The following PLCL1 variants were observed in gnomAD, a reference collection of about 807,000 sequenced individuals.
The protein encoded by PLCL1 is phospholipase C like 1 (inactive).
In PLCL1, 41 loss-of-function variants were observed where a neutral mutation model predicts 84.4. That is an observed-to-expected ratio of 0.49 (90% CI 0.38 to 0.63). PLCL1 has a LOEUF of 0.63. Among genes scored for constraint, PLCL1 ranks in the 30% least tolerant of loss-of-function variants. The probability of loss-of-function intolerance (pLI) is 0.00; values close to 1 mark genes in which losing one functional copy is unlikely to be tolerated. For missense variants in PLCL1, 1,206 were observed against 1,367.8 expected (o/e 0.88, Z 1.87); for synonymous variants, 490 against 488.3 (o/e 1.00, Z -0.05).
At chr2:198,132,236 T>C (rs1694137266) in intron 5 of PLCL1, among the ~76,000 whole-genome samples, 1 of 152,180 alleles carries the variant, frequency 6.6e-6, no homozygotes, top group Admixed American at 6.5e-5. Flanking sequence ...CAGCTACTGA[T>C]TGGCCACACT....
chr2:198,068,686 A>C (rs1288908263), intron 1 of PLCL1, among the ~76,000 whole-genome samples: 1 of 152,224 alleles, frequency 6.6e-6, no homozygotes, highest in East Asian at 1.9e-4. Flanking sequence ...AGAGATCAGT[A>C]TGTGCTAGCT....
At chr2:197,845,744 A>G (rs1294192405) in intron 1 of PLCL1, among the ~76,000 whole-genome samples, 1 of 152,016 alleles carries the variant, frequency 6.6e-6, no homozygotes, top group Non-Finnish European at 1.5e-5. Context: ...GTTAAGCTTC[A>G]CTCTCTATAG....
rs529682525 is a variant in PLCL1, at chr2:198,010,062, A to G, written c.241-73696A>G. Among the ~76,000 whole-genome samples the G allele has an allele frequency of 4.6e-5, 7 of 152,110 alleles. No individual in the cohort carries two copies. The South Asian group carries it at 1.0e-3, about 22-fold the overall frequency. On this transcript the variant is annotated intron_variant, in intron 1 of 5. Coordinates refer to ENST00000428675, the MANE Select transcript of PLCL1 (RefSeq NM_006226.4). ...GCAAACTTTTCTAAATTCATTTATTAGTTCTAACATTTTTGTGTGTGTGAC... is the reference window on the plus strand; with the variant it reads ...GCAAACTTTTCTAAATTCATTTATTGGTTCTAACATTTTTGTGTGTGTGAC...
At chr2:197,968,507 A>G (rs967409747) in intron 1 of PLCL1, among the ~76,000 whole-genome samples, 2 of 152,216 alleles carry the variant, frequency 1.3e-5, no homozygotes, top group Admixed American at 1.3e-4. Context: ...CTCTTTAGAG[A>G]TATTATTCTA....
intron 1 of PLCL1, among the ~76,000 whole-genome samples, chr2:197,927,019 C>T (rs537680453): frequency 5.9e-5 from 9 of 152,284 alleles, no homozygotes; most frequent in Admixed American, 2.0e-4. Context: ...TATGGTTTGT[C>T]ATCACATGTG....
At chr2:197,855,302 G>A (rs1456158078) in intron 1 of PLCL1, among the ~76,000 whole-genome samples, 1 of 152,132 alleles carries the variant, frequency 6.6e-6, no homozygotes, top group Non-Finnish European at 1.5e-5. Flanking sequence ...CTGGCACACT[G>A]CTATTTTTTT....
intron 1 of PLCL1, among the ~76,000 whole-genome samples, chr2:197,904,496 G>A (rs1688337763): frequency 6.6e-6 from 1 of 152,144 alleles, no homozygotes; most frequent in Non-Finnish European, 1.5e-5. Context: ...TCCTTTATTG[G>A]TTTTTTCTTG....
chr2:198,104,661 T>C (rs1458035799), intron 5 of PLCL1, among the ~76,000 whole-genome samples: 1 of 152,082 alleles, frequency 6.6e-6, no homozygotes, highest in African/African-American at 2.4e-5. Flanking sequence ...CCACCAGCAT[T>C]GTATAAACAT....
At chr2:197,946,669 A>G (rs1326078942) in intron 1 of PLCL1, among the ~76,000 whole-genome samples, 1 of 152,118 alleles carries the variant, frequency 6.6e-6, no homozygotes, top group Non-Finnish European at 1.5e-5. Context: ...CCTCCTCTCT[A>G]CTTTCAAGAT....
In PLCL1 at chr2:198,094,268, A is replaced by G. The variant is rs572013311; in HGVS notation, c.2919+5207A>G. Among the ~76,000 whole-genome samples, 31 of 152,170 alleles carry G rather than the reference A, an allele frequency of 2.0e-4. No individual in the cohort carries two copies. The South Asian group carries it at 2.7e-3, about 13-fold the overall frequency. The stretch of plus-strand genomic sequence containing the variant: ...AGTAGAGACAGGGTTTCACCATGTT[A>G]GCCAGGATGGTCTTGATCTCCTGAC... On this transcript the variant is annotated intron_variant, in intron 3 of 5. Coordinates refer to ENST00000428675, the MANE Select transcript of PLCL1 (RefSeq NM_006226.4).
chr2:198,093,604 G>A (rs1257795918), intron 3 of PLCL1, among the ~76,000 whole-genome samples: 1 of 152,140 alleles, frequency 6.6e-6, no homozygotes, highest in Non-Finnish European at 1.5e-5. Flanking sequence ...AACAGCTTGG[G>A]TTCAATTTAG....
intron 1 of PLCL1, among the ~76,000 whole-genome samples, chr2:197,983,158 C>CCTTT (rs770130659): frequency 7.0e-6 from 1 of 142,120 alleles, no homozygotes; most frequent in Admixed American, 7.0e-5. Context: ...CTTTTCTTTT[C>CCTTT]CTTTCTTTCT....
At chr2:197,952,879 G>A (rs1279673533) in intron 1 of PLCL1, among the ~76,000 whole-genome samples, 1 of 152,004 alleles carries the variant, frequency 6.6e-6, no homozygotes, top group Non-Finnish European at 1.5e-5. Context: ...CGCCATGATT[G>A]TGAGGCCTCC....
At chr2:198,076,193 T>C (rs1412227342) in intron 1 of PLCL1, among the ~76,000 whole-genome samples, 1 of 151,826 alleles carries the variant, frequency 6.6e-6, no homozygotes, top group East Asian at 1.9e-4. Context: ...CAGCACTCTA[T>C]CACTAGCTTT....
intron 1 of PLCL1, among the ~76,000 whole-genome samples, chr2:197,842,533 T>C (rs888908314): frequency 6.6e-6 from 1 of 152,306 alleles, no homozygotes; most frequent in Admixed American, 6.5e-5. Flanking sequence ...GAACTAATGT[T>C]CCAGCTTCAA....
At chr2:197,934,052 T>A (rs183607032) in intron 1 of PLCL1, among the ~76,000 whole-genome samples, 1 of 152,312 alleles carries the variant, frequency 6.6e-6, no homozygotes, top group East Asian at 1.9e-4. Flanking sequence ...CTCTAATGCA[T>A]CTCATCCAAT....
chr2:197,979,736 T>A (rs1010940295), intron 1 of PLCL1, among the ~76,000 whole-genome samples: 4 of 152,226 alleles, frequency 2.6e-5, no homozygotes, highest in Admixed American at 1.3e-4. Context: ...AGATTTTCAC[T>A]ACTCCCAGAA....
chr2:198,132,825 T>C (rs958438107), intron 5 of PLCL1, among the ~76,000 whole-genome samples: 4 of 152,020 alleles, frequency 2.6e-5, no homozygotes, highest in Non-Finnish European at 5.9e-5. Flanking sequence ...AGAAGCTCTT[T>C]AGTTTAATTA....
At chr2:198,004,147 T>C (rs1217697273) in intron 1 of PLCL1, among the ~76,000 whole-genome samples, 1 of 152,166 alleles carries the variant, frequency 6.6e-6, no homozygotes, top group Non-Finnish European at 1.5e-5. Flanking sequence ...GCTTTTTTTT[T>C]TAAAAGCAAG....
Sources: allele counts gnomAD v4.1 joint callset (sites outside exome capture counted in the v4.1 genomes callset), GRCh38; gene constraint gnomAD v4.1.1; transcripts MANE v1.5; gene names NCBI Gene and HGNC (gene_info 2026-07-23, HGNC 2026-07-21).